Variants in ZNF804B observed in about 807,000 individuals in gnomAD.
ZNF804B encodes zinc finger 804B.
Under a neutral mutation model 101.4 loss-of-function variants are expected in ZNF804B, and 80 were observed. The observed-to-expected ratio is 0.79, with a 90% CI of 0.66 to 0.95. The LOEUF (loss-of-function observed/expected upper bound fraction) is 0.95, where lower values mean the gene tolerates loss of function less well. Among genes scored for constraint, ZNF804B ranks in the 40% least tolerant of loss-of-function variants. The pLI is 0.00. For synonymous variants in ZNF804B, 622 were observed against 558.8 expected (o/e 1.11, Z -1.59); for missense variants, 1,673 against 1,561.9 (o/e 1.07, Z -1.20).
chr7:89,099,245 C>T (rs1448070842), intron 1 of ZNF804B, among the ~76,000 whole-genome samples: 1 of 152,000 alleles, frequency 6.6e-6, no homozygotes, highest in East Asian at 1.9e-4. Context: ...ACTTCCAACT[C>T]ACTACTATAT....
rs555060846 is a variant in ZNF804B at position 89,209,876 on chromosome 7, C to T, written c.109-8279C>T. Among the ~76,000 whole-genome samples the T allele has an allele frequency of 1.2e-4, 18 of 152,262 alleles. No homozygotes were observed. In the South Asian group the frequency reaches 1.5e-3, roughly 12 times the overall value. ...ACAAAAGAAGTCAATCAGCCCAGCA[C>T]GGTGGCTCACACCTGTAATCTCAAC... On this transcript the variant is annotated intron_variant, in intron 1 of 3. Transcript: ENST00000333190.
At chr7:89,084,585 T>C (rs1006632906) in intron 1 of ZNF804B, among the ~76,000 whole-genome samples, 1 of 151,968 alleles carries the variant, frequency 6.6e-6, no homozygotes, top group Non-Finnish European at 1.5e-5. Context: ...GTATTAGAAC[T>C]CTAAACAATT....
rs140428146 is a variant in ZNF804B, at chr7:88,976,448, A to C, written c.108+216364A>C. 4.6e-4 allele frequency among the ~76,000 whole-genome samples: 69 copies of C among 151,404 alleles called. 1 individual carries two copies. In the South Asian group the frequency reaches 0.014, roughly 31 times the overall value. Reference sequence around the variant, plus strand: ...CTTGCATCAATGTTTTAAATTTTCAATGTAGAGATTTTTTTGGTTAATTCC... The same window carrying C: ...CTTGCATCAATGTTTTAAATTTTCACTGTAGAGATTTTTTTGGTTAATTCC... On this transcript the variant is annotated intron_variant, in intron 1 of 3. Coordinates refer to ENST00000333190, the MANE Select transcript of ZNF804B (RefSeq NM_181646.5).
chr7:88,980,175 T>C (rs1793676809), intron 1 of ZNF804B, among the ~76,000 whole-genome samples: 1 of 152,028 alleles, frequency 6.6e-6, no homozygotes, highest in African/African-American at 2.4e-5. Context: ...ATCTCTTTAT[T>C]ACAATTATCT....
At chr7:88,853,426 G>T (rs536101383) in intron 1 of ZNF804B, among the ~76,000 whole-genome samples, 2 of 152,090 alleles carry the variant, frequency 1.3e-5, no homozygotes, top group South Asian at 4.1e-4. Flanking sequence ...AATTGGCACT[G>T]CTCTCCTAGA....
At position 88,953,977 on chromosome 7, in the gene ZNF804B, G is replaced by A. The variant is rs566074263; in HGVS notation, c.108+193893G>A. 1.3e-3 allele frequency among the ~76,000 whole-genome samples: 200 copies of A among 151,584 alleles called. 1 individual carries two copies. Among genetic ancestry groups the A allele is most frequent in the Admixed American group, 3.2e-3 (48 of 15,188 alleles). The stretch of plus-strand genomic sequence containing the variant: ...TGTGGATATTTTTGTCCACATATTT[G>A]TGTAAAACTCTGATTATTTCCATAG... On this transcript the variant is annotated intron_variant, in intron 1 of 3. Transcript: ENST00000333190.
In ZNF804B at chr7:88,959,934, T is replaced by C. The variant is rs555837981; in HGVS notation, c.108+199850T>C. On this transcript the variant is annotated intron_variant, in intron 1 of 3. Transcript: ENST00000333190. ...CCTCTGTGAAATTTTCCTTTTTTTC[T>C]AAGTTTTGGCACAAATATTCTTGAT... 1.4e-4 allele frequency among the ~76,000 whole-genome samples: 21 copies of C among 151,524 alleles called. No individual in the cohort carries two copies. The South Asian group carries it at 4.4e-3, about 31-fold the overall frequency.
At chr7:89,018,797 G>C (rs1788612767) in intron 1 of ZNF804B, among the ~76,000 whole-genome samples, 1 of 151,902 alleles carries the variant, frequency 6.6e-6, no homozygotes, top group Non-Finnish European at 1.5e-5. Flanking sequence ...TTGTTCATTA[G>C]AATCTCTAAT....
At chr7:89,089,071 T>C (rs74529445) in intron 1 of ZNF804B, among the ~76,000 whole-genome samples, 2 of 150,640 alleles carry the variant, frequency 1.3e-5, no homozygotes, top group South Asian at 2.1e-4. Context: ...TTTTTTTTTT[T>C]CCTAGGGAGT....
chr7:88,975,544 G>T, intron 1 of ZNF804B, among the ~76,000 whole-genome samples: 1 of 151,140 alleles, frequency 6.6e-6, no homozygotes, highest in Non-Finnish European at 1.5e-5. Flanking sequence ...TTGACACTGA[G>T]ATATACCTGT....
intron 1 of ZNF804B, among the ~76,000 whole-genome samples, chr7:89,119,096 A>G (rs978615827): frequency 6.6e-6 from 1 of 152,136 alleles, no homozygotes; most frequent in African/African-American, 2.4e-5. Context: ...AGGGTATAAC[A>G]TTTTGAGTGC....
At chr7:89,131,112 T>C (rs924789637) in intron 1 of ZNF804B, among the ~76,000 whole-genome samples, 1 of 151,990 alleles carries the variant, frequency 6.6e-6, no homozygotes, top group African/African-American at 2.4e-5. Flanking sequence ...TAAAGGGAAG[T>C]TCATGTATCT....
intron 1 of ZNF804B, among the ~76,000 whole-genome samples, chr7:89,037,278 C>T (rs1036762415): frequency 5.3e-5 from 8 of 152,044 alleles, no homozygotes; most frequent in Non-Finnish European, 7.4e-5. Flanking sequence ...AGACCACCAA[C>T]ATGCTTAAGA....
At chr7:88,805,495 C>G (rs1350415465) in intron 1 of ZNF804B, among the ~76,000 whole-genome samples, 5 of 152,174 alleles carry the variant, frequency 3.3e-5, no homozygotes, top group African/African-American at 1.2e-4. Context: ...CATTTTAACT[C>G]AAGGTACCTC....
chr7:88,869,796 T>G lies in ZNF804B; in HGVS notation c.108+109712T>G, dbSNP rs148939259. On this transcript the variant is annotated intron_variant, in intron 1 of 3. Transcript: ENST00000333190. ...TATTACTGACTTCAGAATGAAGCAG[T>G]GTAGTGGGGAAGGGAAAATCTCCTA... Among the ~76,000 whole-genome samples, 50 of 151,992 alleles carry G rather than the reference T, an allele frequency of 3.3e-4. 1 individual carries two copies. Among genetic ancestry groups the G allele is most frequent in the African/African-American group, 1.2e-3 (48 of 41,432 alleles).
chr7:89,300,375 C>T (rs1472821676), intron 2 of ZNF804B, among the ~76,000 whole-genome samples: 2 of 150,486 alleles, frequency 1.3e-5, no homozygotes, highest in African/African-American at 2.4e-5. Flanking sequence ...TTTTTTTAAC[C>T]TGGAACACTC....
At chr7:88,915,540 GTA>G (rs1792619248) in intron 1 of ZNF804B, among the ~76,000 whole-genome samples, 1 of 151,800 alleles carries the variant, frequency 6.6e-6, no homozygotes, top group Non-Finnish European at 1.5e-5. Flanking sequence ...AATATATTAG[GTA>G]TGTATTAATG....
In ZNF804B at chr7:88,865,654, CT is replaced by C. The variant is rs201387118; in HGVS notation, c.108+105574del. Among the ~76,000 whole-genome samples the C allele has an allele frequency of 2.2e-4, 33 of 152,332 alleles. No individual in the cohort carries two copies. In the East Asian group the frequency reaches 6.2e-3, roughly 28 times the overall value. ...GTTCCCTCTCTCCTTTCTACCAAAA[CT>C]TTTGTTCCATGTGTCTATGCCTCAC... is the stretch of plus-strand genomic sequence containing the variant. On this transcript the variant is annotated intron_variant, in intron 1 of 3. Coordinates refer to ENST00000333190, the MANE Select transcript of ZNF804B (RefSeq NM_181646.5).
chr7:88,775,456 T>A (rs542285036), intron 1 of ZNF804B, among the ~76,000 whole-genome samples: 50 of 152,344 alleles, frequency 3.3e-4, no homozygotes, highest in Non-Finnish European at 5.4e-4. Flanking sequence ...TTAATCCAAC[T>A]ACAGAACTAA....
Sources: allele counts gnomAD v4.1 joint callset (sites outside exome capture counted in the v4.1 genomes callset), GRCh38; gene constraint gnomAD v4.1.1; transcripts MANE v1.5; gene names NCBI Gene and HGNC (gene_info 2026-07-23, HGNC 2026-07-21).